Variants in MRE11 observed in about 807,000 individuals in gnomAD.
MRE11 encodes the protein double-strand break repair protein MRE11.
In MRE11, 62 loss-of-function variants were observed where a neutral mutation model predicts 91.7. That is an observed-to-expected ratio of 0.68 (90% CI 0.55 to 0.84). The LOEUF (loss-of-function observed/expected upper bound fraction) is 0.84, where lower values mean the gene tolerates loss of function less well. Among genes scored for constraint, MRE11 ranks in the 40% least tolerant of loss-of-function variants. The probability of loss-of-function intolerance (pLI) is 0.00; values close to 1 mark genes in which losing one functional copy is unlikely to be tolerated. For missense variants in MRE11, 796 were observed against 852.9 expected (o/e 0.93, Z 0.83); for synonymous variants, 273 against 271.4 (o/e 1.01, Z -0.06).
At chr11:94,430,150 G>A (rs1231246230) in intron 18 of MRE11, among the ~76,000 whole-genome samples, 164 bp from the exon 19 acceptor site, 1 of 152,168 alleles carries the variant, frequency 6.6e-6, no homozygotes, top group African/African-American at 2.4e-5. Context: ...TAAGGAAAAG[G>A]ACTCTGGGGC....
At chr11:94,454,942 A>G (rs1946208655) in intron 14 of MRE11, among the ~76,000 whole-genome samples, 1 of 152,208 alleles carries the variant, frequency 6.6e-6, no homozygotes, top group Admixed American at 6.5e-5. Context: ...ACCTTATAAG[A>G]TAAATAGAAA....
chr11:94,496,132 G>T (rs1433668097), upstream of MRE11, among the ~76,000 whole-genome samples: 1 of 152,174 alleles, frequency 6.6e-6, no homozygotes, highest in Non-Finnish European at 1.5e-5. Context: ...ACCGATGACA[G>T]ATTGGAACAG....
chr11:94,500,779 C>A, the MRE11 span, among the ~76,000 whole-genome samples: 1 of 152,212 alleles, frequency 6.6e-6, no homozygotes, highest in Non-Finnish European at 1.5e-5. Context: ...GATTTAGAGT[C>A]TTTATACTAC....
chr11:94,457,773 T>A (rs908025172), intron 13 of MRE11, among the ~76,000 whole-genome samples: 1 of 152,074 alleles, frequency 6.6e-6, no homozygotes, highest in Non-Finnish European at 1.5e-5. Flanking sequence ...TTTAGATAAC[T>A]CAATGATGGG....
intron 19 of MRE11, among the ~76,000 whole-genome samples, chr11:94,426,824 A>G (rs1170107055): frequency 1.3e-5 from 2 of 152,188 alleles, no homozygotes; most frequent in Non-Finnish European, 2.9e-5. Flanking sequence ...AAATCCCTCT[A>G]AACACACAAC....
chr11:94,447,558 G>C (rs957341221), intron 14 of MRE11, 120 bp from the exon 15 acceptor site: 16 of 1,008,638 alleles, frequency 1.6e-5, no homozygotes, highest in Non-Finnish European at 2.4e-5. Context: ...GGCTGACACA[G>C]TGGCTCACGC....
chr11:94,478,046 G>C (rs529733509), intron 6 of MRE11, among the ~76,000 whole-genome samples: 1 of 152,142 alleles, frequency 6.6e-6, no homozygotes, highest in Non-Finnish European at 1.5e-5. Flanking sequence ...CTGGGGGACA[G>C]GGAGGGGTGC....
In MRE11 at chr11:94,450,979, C is replaced by T. The variant is rs768927447; in HGVS notation, c.1564-3541G>A. ...TATACATCATTAGAAATAAGAGGGA[C>T]GGGCGTAGAGGCTCACATCTCTAAT... On this transcript the variant is annotated intron_variant, in intron 14 of 19. Transcript: ENST00000323929. Among the ~76,000 whole-genome samples, 6 of 151,930 alleles carry T rather than the reference C, an allele frequency of 3.9e-5. No individual in the cohort carries two copies. In the East Asian group the frequency reaches 5.8e-4, roughly 15 times the overall value.
intron 9 of MRE11, among the ~76,000 whole-genome samples, chr11:94,469,812 T>C (rs1946660222): frequency 6.6e-6 from 1 of 152,156 alleles, no homozygotes; most frequent in African/African-American, 2.4e-5. Context: ...TTACCTGATT[T>C]TTCATGAAAA....
At position 94,461,119 on chromosome 11, in the gene MRE11, A is replaced by C. The variant is rs1353416686; in HGVS notation, c.1226-83T>G. On this transcript the variant is annotated intron_variant, in intron 11 of 19. Transcript: ENST00000323929. ...ACTCATTGCAAGTTGTCAGTGGAGA[A>C]GGTAAGGCCAAACTTTAGCAACTGC... 3.3e-6 allele frequency: 4 copies of C among 1,198,950 alleles called. No individual in the cohort carries two copies. The Admixed American group carries it at 8.3e-5, about 25-fold the overall frequency. 74.3% of individuals were successfully genotyped at this position (1,198,950 alleles called of 1,614,324 possible).
chr11:94,431,568 C>T (rs1945462694), intron 18 of MRE11, among the ~76,000 whole-genome samples: 1 of 152,166 alleles, frequency 6.6e-6, no homozygotes, highest in South Asian at 2.1e-4. Context: ...AAGTTAGTTA[C>T]CATACCAAGA....
At chr11:94,428,431 A>T (rs1046359432) in intron 19 of MRE11, among the ~76,000 whole-genome samples, 1 of 152,248 alleles carries the variant, frequency 6.6e-6, no homozygotes, top group Admixed American at 6.5e-5. Flanking sequence ...ATACTATAAT[A>T]ATCCTAGAAG....
chr11:94,463,050 C>A (rs1236892036), intron 11 of MRE11, among the ~76,000 whole-genome samples: 1 of 152,120 alleles, frequency 6.6e-6, no homozygotes, highest in Non-Finnish European at 1.5e-5. Context: ...GGGCTAATAT[C>A]CAGAATCTAT....
At chr11:94,442,149 G>C (rs761744437) in intron 16 of MRE11, among the ~76,000 whole-genome samples, 1 of 151,954 alleles carries the variant, frequency 6.6e-6, no homozygotes, top group Non-Finnish European at 1.5e-5. Context: ...ACATCTGAAG[G>C]GATAATAGCT....
At chr11:94,429,232 T>C (rs1441915242) in intron 19 of MRE11, among the ~76,000 whole-genome samples, 4 of 152,206 alleles carry the variant, frequency 2.6e-5, no homozygotes, top group Non-Finnish European at 4.4e-5. Context: ...TGCTTATACA[T>C]TGTTGGAATG....
At chr11:94,476,249 C>T (rs555685192) in intron 7 of MRE11, 40 bp downstream of exon 7, 3 of 1,342,948 alleles carry the variant, frequency 2.2e-6, no homozygotes, top group South Asian at 2.3e-5. Flanking sequence ...TTTGGGAAGC[C>T]TCAGCACTTG....
chr11:94,461,093 T>G lies in MRE11; in HGVS notation c.1226-57A>C. 9 of 1,413,682 alleles carry G rather than the reference T, an allele frequency of 6.4e-6. No individual in the cohort carries two copies. In the African/African-American group the frequency reaches 1.1e-4, roughly 18 times the overall value. 87.6% of individuals were successfully genotyped at this position (1,413,682 alleles called of 1,614,324 possible). On this transcript the variant is annotated intron_variant, in intron 11 of 19. Coordinates refer to ENST00000323929, the MANE Select transcript of MRE11 (RefSeq NM_005591.4). ...TTCTATCATAATGTTAAAATGTGCA[T>G]ACTCATTGCAAGTTGTCAGTGGAGA...
chr11:94,508,279 T>C, the MRE11 span, among the ~76,000 whole-genome samples: 2 of 152,174 alleles, frequency 1.3e-5, no homozygotes, highest in Non-Finnish European at 2.9e-5. Context: ...ACCTCTACTA[T>C]ATCTATTGCC....
At chr11:94,422,017 A>C (rs573539136) in intron 19 of MRE11, among the ~76,000 whole-genome samples, 15 of 152,326 alleles carry the variant, frequency 9.8e-5, no homozygotes, top group African/African-American at 3.4e-4. Context: ...CTGTACACTT[A>C]ATAATGGTTA....
Sources: gnomAD v4.1 joint callset for allele counts (sites outside exome capture counted in the v4.1 genomes callset) on GRCh38, gnomAD v4.1.1 for gene constraint, MANE v1.5 for transcripts, NCBI Gene and HGNC (gene_info 2026-07-23, HGNC 2026-07-21) for gene names.